The following GPR158 variants were observed in gnomAD, a reference collection of about 807,000 sequenced individuals.
The protein encoded by GPR158 is metabotropic glycine receptor.
In GPR158, 30 loss-of-function variants were observed where a neutral mutation model predicts 78.2. The observed-to-expected ratio is 0.38, with a 90% CI of 0.29 to 0.52. The LOEUF (loss-of-function observed/expected upper bound fraction) is 0.52. Ranked by LOEUF, GPR158 falls within the 20% of genes least tolerant of loss-of-function variation. The pLI, the probability that GPR158 is intolerant of heterozygous loss-of-function variation, is 0.83. For synonymous variants in GPR158, 581 were observed against 591.1 expected (o/e 0.98, Z 0.25); for missense variants, 1,463 against 1,523.5 (o/e 0.96, Z 0.66).
At chr10:25,324,830 T>C (rs767859432) in intron 2 of GPR158, among the ~76,000 whole-genome samples, 1 of 117,598 alleles carries the variant, frequency 8.5e-6, no homozygotes, top group Non-Finnish European at 1.7e-5. Context: ...CTTTTTTCTT[T>C]CTTTTTTTTT....
intron 5 of GPR158, among the ~76,000 whole-genome samples, chr10:25,526,450 A>T (rs1008408058): frequency 3.3e-5 from 5 of 152,056 alleles, no homozygotes; most frequent in African/African-American, 1.2e-4. Flanking sequence ...CTGGAAATTG[A>T]GGGGGTAAAT....
At chr10:25,282,086 T>C (rs1203075590) in intron 2 of GPR158, among the ~76,000 whole-genome samples, 1 of 152,174 alleles carries the variant, frequency 6.6e-6, no homozygotes, top group African/African-American at 2.4e-5. Context: ...ACAAAACAGG[T>C]CAATCATTCC....
chr10:25,283,828 ATATATT>A (rs1854310042), intron 2 of GPR158, among the ~76,000 whole-genome samples: 1 of 152,020 alleles, frequency 6.6e-6, no homozygotes, highest in African/African-American at 2.4e-5. Context: ...TTAGTTCAAA[ATATATT>A]TAAATTCCTC....
At chr10:25,257,080 G>A (rs1279573615) in intron 2 of GPR158, among the ~76,000 whole-genome samples, 1 of 152,160 alleles carries the variant, frequency 6.6e-6, no homozygotes, top group South Asian at 2.1e-4. Flanking sequence ...AGTTTATTTG[G>A]CTCATAGTTT....
intron 5 of GPR158, among the ~76,000 whole-genome samples, chr10:25,487,197 G>A (rs76181242): frequency 0.04 from 6,094 of 151,962 alleles, 321 homozygotes; most frequent in African/African-American, 0.12. Context: ...TTTAATCAGA[G>A]CCACCACAAG....
chr10:25,476,647 TTTTTC>T (rs1259666380), intron 5 of GPR158, among the ~76,000 whole-genome samples: 2 of 152,164 alleles, frequency 1.3e-5, no homozygotes, highest in African/African-American at 4.8e-5. Context: ...ATCCACCTTT[TTTTTC>T]AGCTGGATAA....
intron 5 of GPR158, among the ~76,000 whole-genome samples, chr10:25,509,260 T>G (rs1449541457): frequency 1.3e-5 from 2 of 152,182 alleles, no homozygotes; most frequent in African/African-American, 4.8e-5. Context: ...TTAATCAGAA[T>G]CCACCTCTGG....
intron 1 of GPR158, among the ~76,000 whole-genome samples, chr10:25,200,439 C>A (rs934714546): frequency 7.9e-5 from 12 of 152,076 alleles, no homozygotes; most frequent in African/African-American, 2.9e-4. Context: ...ACATAGTTTG[C>A]AAATATTTTC....
chr10:25,467,513 T>G (rs1225725214), intron 5 of GPR158, among the ~76,000 whole-genome samples: 2 of 152,178 alleles, frequency 1.3e-5, no homozygotes, highest in Non-Finnish European at 2.9e-5. Context: ...AATATTATGA[T>G]TTTCTTCTTT....
chr10:25,484,579 CAGTG>C (rs1835707106), intron 5 of GPR158, among the ~76,000 whole-genome samples: 1 of 152,154 alleles, frequency 6.6e-6, no homozygotes, highest in Admixed American at 6.6e-5. Flanking sequence ...GAAAACTTGA[CAGTG>C]AGACAGTTTG....
At chr10:25,560,563 C>A (rs893292364) in intron 6 of GPR158, among the ~76,000 whole-genome samples, 1 of 152,176 alleles carries the variant, frequency 6.6e-6, no homozygotes, top group African/African-American at 2.4e-5. Flanking sequence ...TTGCGCCCAT[C>A]CTAAAATATT....
intron 2 of GPR158, among the ~76,000 whole-genome samples, chr10:25,286,995 T>G (rs1270962277): frequency 6.6e-6 from 1 of 152,162 alleles, no homozygotes; most frequent in Non-Finnish European, 1.5e-5. Context: ...TGTTACTTGA[T>G]GCCTGCTATC....
intron 2 of GPR158, among the ~76,000 whole-genome samples, chr10:25,299,364 T>C (rs1435097350): frequency 2.6e-5 from 4 of 152,170 alleles, no homozygotes; most frequent in African/African-American, 9.7e-5. Flanking sequence ...AAAAACTGTA[T>C]GTTTGTACAC....
At chr10:25,280,895 G>A (rs1047713705) in intron 2 of GPR158, among the ~76,000 whole-genome samples, 9 of 152,192 alleles carry the variant, frequency 5.9e-5, no homozygotes, top group Middle Eastern at 3.4e-3. Context: ...CAGCACTTTG[G>A]GAGGCTGAAG....
At chr10:25,424,896 A>T (rs1190238586) in intron 4 of GPR158, among the ~76,000 whole-genome samples, 3 of 152,168 alleles carry the variant, frequency 2.0e-5, no homozygotes, top group Non-Finnish European at 4.4e-5. Flanking sequence ...TGAAATTTAA[A>T]GTAGTTTTTT....
intron 5 of GPR158, among the ~76,000 whole-genome samples, chr10:25,523,665 A>G (rs1474312944): frequency 6.6e-6 from 1 of 152,194 alleles, no homozygotes; most frequent in Non-Finnish European, 1.5e-5. Context: ...TACTTTTTGT[A>G]ATGAATAGAA....
chr10:25,531,179 A>G (rs548612078), intron 5 of GPR158, among the ~76,000 whole-genome samples: 2 of 152,352 alleles, frequency 1.3e-5, no homozygotes, highest in South Asian at 4.1e-4. Context: ...CAAATTTTTT[A>G]TAGAGAACGG....
At chr10:25,445,314 T>G (rs1835126351) in intron 4 of GPR158, among the ~76,000 whole-genome samples, 1 of 152,100 alleles carries the variant, frequency 6.6e-6, no homozygotes, top group Non-Finnish European at 1.5e-5. Context: ...TGCAAAAGTC[T>G]TGGAATTAAA....
intron 2 of GPR158, among the ~76,000 whole-genome samples, chr10:25,372,014 AAAAC>A (rs781128490): frequency 1.8e-3 from 276 of 151,878 alleles, no homozygotes; most frequent in Non-Finnish European, 3.1e-3. Flanking sequence ...TTACAAGACA[AAAAC>A]AAACAACCCC....
Sources: gnomAD v4.1 joint callset for allele counts (sites outside exome capture counted in the v4.1 genomes callset) on GRCh38, gnomAD v4.1.1 for gene constraint, MANE v1.5 for transcripts, NCBI Gene and HGNC (gene_info 2026-07-23, HGNC 2026-07-21) for gene names.